The following RBFOX1 variants were observed in gnomAD, a reference collection of about 807,000 sequenced individuals.
RBFOX1 encodes RNA binding fox-1 homolog 1, also known as RNA binding protein fox-1 homolog 1.
RBFOX1 carries 8 observed loss-of-function variants against 57.7 expected under a neutral mutation model. The ratio of observed to expected loss-of-function variants is 0.14; its 90% confidence interval spans 0.08 to 0.25. The LOEUF (loss-of-function observed/expected upper bound fraction) is 0.25. Among genes scored for constraint, RBFOX1 ranks in the 10% least tolerant of loss-of-function variants. The pLI is 1.00. For synonymous variants in RBFOX1, 326 were observed against 222.4 expected (o/e 1.47, Z -4.15); for missense variants, 611 against 548.5 (o/e 1.11, Z -1.14).
chr16:5,953,056 A>G (rs2059552589), intron 4 of RBFOX1, among the ~76,000 whole-genome samples: 2 of 151,248 alleles, frequency 1.3e-5, no homozygotes, highest in Non-Finnish European at 2.9e-5. Context: ...GCGGAAGATT[A>G]TCAAGAAAGT....
rs1209696416 is a variant in RBFOX1, at chr16:6,970,045, G to T, written c.-15-82012G>T. On this transcript the variant is annotated intron_variant, in intron 3 of 15. Coordinates refer to ENST00000550418, the MANE Select transcript of RBFOX1 (RefSeq NM_018723.4). Reference sequence around the variant, plus strand: ...TAAAAAAAATTAGATGGGCATGGTGGCATACACCTGTAGTTCCAGCTACTT... The same window carrying T: ...TAAAAAAAATTAGATGGGCATGGTGTCATACACCTGTAGTTCCAGCTACTT... 5.3e-5 allele frequency among the ~76,000 whole-genome samples: 8 copies of T among 152,050 alleles called. No homozygotes were observed. In the East Asian group the frequency reaches 1.5e-3, roughly 29 times the overall value.
intron 4 of RBFOX1, among the ~76,000 whole-genome samples, chr16:5,965,383 T>C (rs2059823065): frequency 6.6e-6 from 1 of 152,190 alleles, no homozygotes; most frequent in African/African-American, 2.4e-5. Flanking sequence ...AATGTGTACA[T>C]ATATCAAAAC....
At chr16:6,471,111 C>T (rs1256269307) in intron 2 of RBFOX1, among the ~76,000 whole-genome samples, 1 of 152,182 alleles carries the variant, frequency 6.6e-6, no homozygotes. Context: ...CCTGTGCCCC[C>T]TTTCCCTGCC....
At chr16:6,814,465 T>G (rs984590402) in intron 3 of RBFOX1, among the ~76,000 whole-genome samples, 2 of 152,216 alleles carry the variant, frequency 1.3e-5, no homozygotes, top group African/African-American at 4.8e-5. Flanking sequence ...AAGGTAGATG[T>G]GGCTTCTAGC....
intron 4 of RBFOX1, among the ~76,000 whole-genome samples, chr16:7,202,025 T>G (rs190433888): frequency 2.8e-4 from 42 of 152,274 alleles, no homozygotes; most frequent in African/African-American, 7.9e-4. Flanking sequence ...GAATTTGCAT[T>G]GACTTTGGAA....
intron 3 of RBFOX1, among the ~76,000 whole-genome samples, chr16:6,730,489 C>G (rs1366364838): frequency 6.6e-6 from 1 of 152,136 alleles, no homozygotes; most frequent in Non-Finnish European, 1.5e-5. Flanking sequence ...ACCTAACTGT[C>G]TAATCTATCT....
chr16:5,248,971 G>C (rs2062374495), intron 1 of RBFOX1, among the ~76,000 whole-genome samples: 1 of 109,488 alleles, frequency 9.1e-6, no homozygotes, highest in East Asian at 3.1e-4. Context: ...CTGGACAACA[G>C]AGCAAGACTC....
intron 3 of RBFOX1, among the ~76,000 whole-genome samples, chr16:7,019,106 A>C (rs1470036353): frequency 6.6e-6 from 1 of 152,028 alleles, no homozygotes; most frequent in Non-Finnish European, 1.5e-5. Context: ...GTGTATGTGT[A>C]AAGACTGAGA....
intron 2 of RBFOX1, among the ~76,000 whole-genome samples, chr16:6,318,211 C>G (rs750413050): frequency 7.2e-5 from 11 of 152,178 alleles, no homozygotes; most frequent in South Asian, 2.1e-4. Flanking sequence ...TCAGCTAACG[C>G]TTGTATCTCA....
intron 4 of RBFOX1, among the ~76,000 whole-genome samples, chr16:7,415,364 A>T (rs544703065): frequency 1.3e-5 from 2 of 152,310 alleles, no homozygotes; most frequent in East Asian, 3.9e-4. Context: ...CAAAATACAG[A>T]TCTAGAGGGT....
chr16:7,691,825 G>A (rs911819455), intron 14 of RBFOX1, among the ~76,000 whole-genome samples: 6 of 152,136 alleles, frequency 3.9e-5, no homozygotes, highest in Non-Finnish European at 5.9e-5. Flanking sequence ...TCCTGCCATA[G>A]ATATGTGAAT....
intron 3 of RBFOX1, among the ~76,000 whole-genome samples, chr16:7,005,429 G>A (rs751065641): frequency 3.3e-5 from 5 of 152,180 alleles, no homozygotes; most frequent in Admixed American, 1.3e-4. Context: ...AGGACAAAAA[G>A]AGAAAAGTTT....
chr16:7,189,753 G>A (rs1171497481), intron 4 of RBFOX1, among the ~76,000 whole-genome samples: 7 of 152,230 alleles, frequency 4.6e-5, no homozygotes, highest in Admixed American at 1.3e-4. Flanking sequence ...ACAGACACCT[G>A]CAGGCAATCC....
intron 4 of RBFOX1, among the ~76,000 whole-genome samples, chr16:7,483,607 A>G (rs192218092): frequency 5.3e-4 from 81 of 152,280 alleles, no homozygotes; most frequent in Non-Finnish European, 9.4e-4. Context: ...CAGATAGGAC[A>G]GTGTTCTTAT....
intron 3 of RBFOX1, among the ~76,000 whole-genome samples, chr16:6,665,539 C>G (rs1364505815): frequency 1.3e-5 from 2 of 151,506 alleles, no homozygotes; most frequent in Admixed American, 6.6e-5. Flanking sequence ...GTAGGAGAAT[C>G]ACTTAAACCT....
At chr16:6,702,792 C>T (rs922741331) in intron 3 of RBFOX1, among the ~76,000 whole-genome samples, 4 of 152,140 alleles carry the variant, frequency 2.6e-5, no homozygotes, top group East Asian at 1.9e-4. Context: ...AATGTACCAC[C>T]TTAGCCATTT....
intron 1 of RBFOX1, among the ~76,000 whole-genome samples, chr16:6,129,291 A>G (rs2152668480): frequency 6.6e-6 from 1 of 152,304 alleles, no homozygotes; most frequent in East Asian, 1.9e-4. Context: ...TACTTAAATG[A>G]ATAAACAAGG....
At chr16:7,698,183 GGTGTGTGTGTGT>G (rs59239865) in intron 14 of RBFOX1, among the ~76,000 whole-genome samples, 2,148 of 136,162 alleles carry the variant, frequency 0.016, 46 homozygotes, top group African/African-American at 0.053. Context: ...AGTCCAAGAG[GGTGTGTGTGTGT>G]GTGTGTGTGT....
chr16:6,264,400 T>C (rs1043615323), intron 1 of RBFOX1, among the ~76,000 whole-genome samples: 5 of 152,166 alleles, frequency 3.3e-5, no homozygotes. Flanking sequence ...AAATAGTCAT[T>C]GCATTATACT....
Sources: gnomAD v4.1 joint callset for allele counts (sites outside exome capture counted in the v4.1 genomes callset) on GRCh38, gnomAD v4.1.1 for gene constraint, MANE v1.5 for transcripts, NCBI Gene and HGNC (gene_info 2026-07-23, HGNC 2026-07-21) for gene names.